The following GPC6 variants were observed in gnomAD, a reference collection of about 807,000 sequenced individuals.
The protein encoded by GPC6 is glypican-6.
GPC6 carries 14 observed loss-of-function variants against 55.2 expected under a neutral mutation model. That is an observed-to-expected ratio of 0.25 (90% CI 0.17 to 0.40). GPC6 has a LOEUF of 0.40. Ranked by LOEUF, GPC6 falls within the 10% of genes least tolerant of loss-of-function variation. The pLI is 1.00. For synonymous variants in GPC6, 278 were observed against 259.6 expected (o/e 1.07, Z -0.68); for missense variants, 641 against 708.5 (o/e 0.90, Z 1.08).
intron 3 of GPC6, among the ~76,000 whole-genome samples, chr13:93,878,917 T>G (rs577086131): frequency 2.0e-5 from 3 of 152,116 alleles, no homozygotes; most frequent in Admixed American, 1.3e-4. Flanking sequence ...AAAGATATAT[T>G]TAGAAGAGCA....
chr13:93,745,398 A>G (rs950619671), intron 2 of GPC6, among the ~76,000 whole-genome samples: 3 of 151,852 alleles, frequency 2.0e-5, no homozygotes, highest in Admixed American at 1.3e-4. Context: ...TGTCTCCCCA[A>G]ATATCTTCAT....
chr13:93,623,072 A>G (rs1184729187), intron 2 of GPC6, among the ~76,000 whole-genome samples: 2 of 152,216 alleles, frequency 1.3e-5, no homozygotes, highest in African/African-American at 4.8e-5. Context: ...CATCCATGCC[A>G]CCACAAATAA....
At chr13:93,707,521 C>G (rs1489990795) in intron 2 of GPC6, among the ~76,000 whole-genome samples, 1 of 151,634 alleles carries the variant, frequency 6.6e-6, no homozygotes, top group Non-Finnish European at 1.5e-5. Context: ...AATGTTTCTA[C>G]CTCTTAAGAA....
intron 4 of GPC6, among the ~76,000 whole-genome samples, chr13:94,204,981 T>G (rs1321301730): frequency 1.3e-5 from 2 of 152,214 alleles, no homozygotes; most frequent in Non-Finnish European, 2.9e-5. Context: ...TAGTTTAAAT[T>G]CAATATTCTT....
intron 5 of GPC6, among the ~76,000 whole-genome samples, chr13:94,288,159 T>C (rs1892582398): frequency 6.6e-6 from 1 of 152,108 alleles, no homozygotes; most frequent in Admixed American, 6.6e-5. Flanking sequence ...AGATCAGCAA[T>C]TATATAAATT....
intron 1 of GPC6, among the ~76,000 whole-genome samples, chr13:93,340,804 A>G (rs953120425): frequency 6.6e-6 from 1 of 152,090 alleles, no homozygotes; most frequent in Non-Finnish European, 1.5e-5. Flanking sequence ...TTTTATTTCA[A>G]TAGTTTTGGG....
intron 4 of GPC6, among the ~76,000 whole-genome samples, chr13:94,219,386 C>CA (rs763435263): frequency 8.5e-5 from 13 of 152,292 alleles, no homozygotes; most frequent in Non-Finnish European, 1.8e-4. Flanking sequence ...TTACAAGAGG[C>CA]ACTGCCTCTG....
At chr13:93,513,876 CT>C (rs56333946) in intron 1 of GPC6, among the ~76,000 whole-genome samples, 66 of 110,224 alleles carry the variant, frequency 6.0e-4, no homozygotes, top group African/African-American at 2.3e-3. Flanking sequence ...TGAATGATGG[CT>C]TTTTTTTTTT....
intron 1 of GPC6, among the ~76,000 whole-genome samples, chr13:93,430,281 G>A (rs1877306857): frequency 6.6e-6 from 1 of 152,048 alleles, no homozygotes; most frequent in Non-Finnish European, 1.5e-5. Context: ...AATGTGAAAT[G>A]TATTAAGAAT....
intron 3 of GPC6, among the ~76,000 whole-genome samples, chr13:93,963,075 ATTC>A (rs1452974441): frequency 1.3e-5 from 2 of 152,052 alleles, no homozygotes; most frequent in African/African-American, 4.8e-5. Context: ...ATTTTTTTAT[ATTC>A]TTTACTTTCT....
Position 93,698,063 on chromosome 13 carries a change from C to T in GPC6, c.320-132091C>T, listed in dbSNP as rs151330627. ...AAGTGGAGAAATTCTTTAAGGAGTACGCCAAAGTTGTCATCATTGAGTCCT... is the reference window on the plus strand; with the variant it reads ...AAGTGGAGAAATTCTTTAAGGAGTATGCCAAAGTTGTCATCATTGAGTCCT... On this transcript the variant is annotated intron_variant, in intron 2 of 8. Coordinates refer to ENST00000377047, the MANE Select transcript of GPC6 (RefSeq NM_005708.5). Among the ~76,000 whole-genome samples, 84 of 152,122 alleles carry T rather than the reference C, an allele frequency of 5.5e-4. No individual in the cohort carries two copies. The East Asian group carries it at 0.015, about 27-fold the overall frequency.
At chr13:94,271,305 T>A (rs1048468434) in intron 4 of GPC6, among the ~76,000 whole-genome samples, 1 of 151,212 alleles carries the variant, frequency 6.6e-6, no homozygotes, top group Non-Finnish European at 1.5e-5. Context: ...AGAAGTATAA[T>A]TTTAATTCCC....
chr13:93,293,905 C>T (rs1408220), intron 1 of GPC6, among the ~76,000 whole-genome samples: 149,919 of 152,232 alleles, frequency 0.98, 73,831 homozygotes, highest in East Asian at 1. Context: ...CTTTATACAG[C>T]TGTGTTTGAC....
In GPC6 at chr13:94,241,693, G is replaced by A. The variant is rs540149930; in HGVS notation, c.878-44656G>A. Among the ~76,000 whole-genome samples, 255 of 152,116 alleles carry A rather than the reference G, an allele frequency of 1.7e-3. 2 individuals carry two copies. The highest frequency in any genetic ancestry group is 5.9e-3 in the African/African-American group (246 of 41,512). ...AGGTTGCCTTGTTTCTACTCTATCT[G>A]TATTAACTTCCAAAGAGTAAAAGAA... is the stretch of plus-strand genomic sequence containing the variant. On this transcript the variant is annotated intron_variant, in intron 4 of 8. Transcript: ENST00000377047.
rs118097488 is a variant in GPC6, at chr13:93,412,805, T to A, written c.161-132458T>A. Among the ~76,000 whole-genome samples the A allele has an allele frequency of 2.4e-4, 37 of 152,322 alleles. No individual in the cohort carries two copies. The East Asian group carries it at 6.8e-3, about 28-fold the overall frequency. On this transcript the variant is annotated intron_variant, in intron 1 of 8. Coordinates refer to ENST00000377047, the MANE Select transcript of GPC6 (RefSeq NM_005708.5). ...TCAAGCATGACCCTGCAGGAAGGTCTGGCCAGCACAGTGGCAGCACCAGTC... is the reference window on the plus strand; with the variant it reads ...TCAAGCATGACCCTGCAGGAAGGTCAGGCCAGCACAGTGGCAGCACCAGTC...
At chr13:93,566,032 C>T (rs1306648332) in intron 2 of GPC6, among the ~76,000 whole-genome samples, 1 of 151,982 alleles carries the variant, frequency 6.6e-6, no homozygotes, top group African/African-American at 2.4e-5. Flanking sequence ...GAGTGAATTA[C>T]CTTTTGATGA....
intron 2 of GPC6, among the ~76,000 whole-genome samples, chr13:93,617,607 C>G (rs1466573565): frequency 2.0e-5 from 3 of 152,038 alleles, no homozygotes; most frequent in African/African-American, 7.2e-5. Flanking sequence ...GTTTAATTCT[C>G]TCATTTTATG....
chr13:93,312,514 T>G (rs1323909856), intron 1 of GPC6, among the ~76,000 whole-genome samples: 1 of 152,214 alleles, frequency 6.6e-6, no homozygotes, highest in Non-Finnish European at 1.5e-5. Context: ...CTGCTTTCTT[T>G]TTTTTCTTTA....
At chr13:93,690,826 T>C (rs1488795573) in intron 2 of GPC6, among the ~76,000 whole-genome samples, 1 of 152,120 alleles carries the variant, frequency 6.6e-6, no homozygotes, top group East Asian at 1.9e-4. Flanking sequence ...GTTATTTTAT[T>C]TTATTTTATC....
Sources: allele counts gnomAD v4.1 joint callset (sites outside exome capture counted in the v4.1 genomes callset), GRCh38; gene constraint gnomAD v4.1.1; transcripts MANE v1.5; gene names NCBI Gene and HGNC (gene_info 2026-07-23, HGNC 2026-07-21).